Variants in SNAP91 observed in about 807,000 individuals in gnomAD.
SNAP91 encodes synaptosome associated protein 91.
Under a neutral mutation model 100.3 loss-of-function variants are expected in SNAP91, and 27 were observed. That is an observed-to-expected ratio of 0.27 (90% CI 0.20 to 0.37). The LOEUF is 0.37. SNAP91 is among the 10% of genes least tolerant of loss of function. The probability of loss-of-function intolerance (pLI) is 1.00; values close to 1 mark genes in which losing one functional copy is unlikely to be tolerated. For synonymous variants in SNAP91, 404 were observed against 398.6 expected (o/e 1.01, Z -0.16); for missense variants, 986 against 1,123.7 (o/e 0.88, Z 1.75).
At chr6:83,608,882 C>T (rs1164972038) in intron 12 of SNAP91, among the ~76,000 whole-genome samples, 2 of 152,112 alleles carry the variant, frequency 1.3e-5, no homozygotes, top group Non-Finnish European at 2.9e-5. Flanking sequence ...AAAATATCAA[C>T]TCAGAACTCT....
Position 83,607,777 on chromosome 6 carries a change from T to C in SNAP91, c.944A>G (p.Asn315Ser). Residue 315 changes from asparagine to serine, a missense_variant, in exon 13 of 30, where the codon AAT becomes AGT. By Grantham distance (46) the Asn-to-Ser change is conservative. This residue lies in a region of SNAP91 where 330 missense variants were observed against 447.5 expected (regional missense o/e 0.74). Transcript: ENST00000369694. Reference protein sequence around the residue: ...SSPATTVTSPNSTPAKTIDTS... With the variant: ...SSPATTVTSPSSTPAKTIDTS... ...GTCAATAGTTTTAGCTGGTGTAGAATTAGGAGACGTAACAGTTGTGGCTGG... is the reference window on the plus strand; with the variant it reads ...GTCAATAGTTTTAGCTGGTGTAGAACTAGGAGACGTAACAGTTGTGGCTGG... The C allele has an allele frequency of 1.3e-6, 2 of 1,592,650 alleles. No homozygotes were observed. Among genetic ancestry groups the C allele is most frequent in the Non-Finnish European group, 1.7e-6 (2 of 1,169,216 alleles).
At chr6:83,702,085 T>C (rs2099320263) in intron 2 of SNAP91, among the ~76,000 whole-genome samples, 1 of 152,176 alleles carries the variant, frequency 6.6e-6, no homozygotes, top group Non-Finnish European at 1.5e-5. Context: ...TTCCCCTTCA[T>C]AAATAAACAA....
intron 16 of SNAP91, among the ~76,000 whole-genome samples, chr6:83,598,681 C>T (rs1583086722): frequency 6.6e-6 from 1 of 152,204 alleles, no homozygotes; most frequent in East Asian, 1.9e-4. Context: ...AGAGTTCTAC[C>T]ACTTACCCAT....
chr6:83,610,019 C>T (rs898769908), intron 12 of SNAP91, among the ~76,000 whole-genome samples: 15 of 152,042 alleles, frequency 9.9e-5, no homozygotes, highest in Non-Finnish European at 4.4e-5. Context: ...GAAACAAATA[C>T]AAAGGAGGAT....
At chr6:83,607,329 T>TTGTGTGTGTGTGTGTGTGTG (rs61335064) in intron 13 of SNAP91, among the ~76,000 whole-genome samples, 31 of 144,890 alleles carry the variant, frequency 2.1e-4, no homozygotes, top group African/African-American at 7.4e-4. Flanking sequence ...CCAAGTTGGG[T>TTGTGTGTGTGTGTGTGTGTG]TGTGTGTGTG....
chr6:83,560,163 T>C lies in SNAP91; in HGVS notation c.2572A>G (p.Met858Val), dbSNP rs766858501. The change falls in exon 28 of 30, where the codon ATG becomes GTG. Residue 858 changes from methionine to valine, a missense_variant. By Grantham distance (21) the Met-to-Val change is conservative (BLOSUM62 1). Coordinates refer to ENST00000369694, the MANE Select transcript of SNAP91 (RefSeq NM_001242792.2). Reference protein sequence around the residue: ...GMPMMPQQPVMFAQPMMRPPF... With the variant: ...GMPMMPQQPVVFAQPMMRPPF... Reference sequence around the variant, plus strand: ...GGCCTCATCATGGGCTGTGCAAACATGACCGGCTGCTGAGGCATCATGGGC... The same window carrying C: ...GGCCTCATCATGGGCTGTGCAAACACGACCGGCTGCTGAGGCATCATGGGC... 3 of 1,613,884 alleles carry C rather than the reference T, an allele frequency of 1.9e-6. No homozygotes were observed. The highest frequency in any genetic ancestry group is 1.1e-5 in the South Asian group (1 of 91,072).
At chr6:83,689,872 G>A (rs2099109171) in intron 2 of SNAP91, among the ~76,000 whole-genome samples, 1 of 151,716 alleles carries the variant, frequency 6.6e-6, no homozygotes, top group African/African-American at 2.4e-5. Flanking sequence ...ATTCTATTTT[G>A]ACATTTAACT....
chr6:83,601,201 T>C, intron 16 of SNAP91, 70 bp downstream of exon 16: 1 of 1,514,366 alleles, frequency 6.6e-7, no homozygotes, highest in Non-Finnish European at 9.0e-7. Flanking sequence ...GGAAAAAATT[T>C]TAAAGACCTT....
At chr6:83,690,972 C>T (rs996586736) in intron 2 of SNAP91, among the ~76,000 whole-genome samples, 9 of 152,032 alleles carry the variant, frequency 5.9e-5, no homozygotes, top group Non-Finnish European at 1.2e-4. Flanking sequence ...TAATGCTTTG[C>T]TACTGATGAA....
chr6:83,692,332 T>C (rs755666181), intron 2 of SNAP91, among the ~76,000 whole-genome samples: 7 of 152,084 alleles, frequency 4.6e-5, no homozygotes, highest in South Asian at 2.1e-4. Flanking sequence ...CTGGCCAACA[T>C]GGCAAAACCC....
intron 2 of SNAP91, among the ~76,000 whole-genome samples, chr6:83,677,071 TGA>T (rs748371162): frequency 2.6e-5 from 4 of 152,144 alleles, no homozygotes; most frequent in Non-Finnish European, 5.9e-5. Context: ...ACACTGTAGG[TGA>T]GCCGTGCTTG....
intron 12 of SNAP91, 52 bp from the exon 13 acceptor site, chr6:83,607,860 A>G: frequency 1.8e-6 from 2 of 1,133,288 alleles, no homozygotes; most frequent in South Asian, 1.6e-5. Context: ...TCTACAGGAC[A>G]CAGGGCAGCA....
Position 83,605,768 on chromosome 6 carries a change from T to C in SNAP91, c.1058A>G (p.Gln353Arg), listed in dbSNP as rs546444897. ...SKPSSDLLDLQPDFSSGGAAA... is the reference protein window; with the variant it reads ...SKPSSDLLDLRPDFSSGGAAA... The stretch of plus-strand genomic sequence containing the variant: ...TGCCCCTCCAGAGGAAAAGTCTGGC[T>C]GGAGGTCCAGGAGATCACTAGATGG... The change falls in exon 14 of 30, where the codon CAG (glutamine) becomes CGG (arginine). Residue 353 changes from glutamine (Q) to arginine (R), a missense_variant. Transcript: ENST00000369694. 1.3e-6 allele frequency: 2 copies of C among 1,553,242 alleles called. No individual in the cohort carries two copies. The highest frequency in any genetic ancestry group is 2.4e-5 in the East Asian group (1 of 41,108).
At chr6:83,617,778 T>A (rs1431934879) in intron 9 of SNAP91, among the ~76,000 whole-genome samples, 1 of 151,770 alleles carries the variant, frequency 6.6e-6, no homozygotes, top group Non-Finnish European at 1.5e-5. Flanking sequence ...TAAGGAGAAA[T>A]AATAGGTTCA....
chr6:83,631,366 A>G (rs2097198505), intron 8 of SNAP91, among the ~76,000 whole-genome samples: 1 of 152,162 alleles, frequency 6.6e-6, no homozygotes, highest in Non-Finnish European at 1.5e-5. Flanking sequence ...CATTTGTTCC[A>G]GGGTACTGTT....
rs2096512384 is a variant in SNAP91, at chr6:83,616,841, G to T, written c.878+128C>A. ...TAGGAAGAGTAGGGGTTCTGAGGGA[G>T]CCCAGAAAATTATAACAAAGCATAC... On this transcript the variant is annotated intron_variant, in intron 10 of 29. Transcript: ENST00000369694. 8.5e-6 allele frequency: 5 copies of T among 589,256 alleles called. No individual in the cohort carries two copies. The Admixed American group carries it at 1.3e-4, about 16-fold the overall frequency. 36.5% of individuals were successfully genotyped at this position (589,256 alleles called of 1,614,324 possible). A position where few individuals can be genotyped will look rare whatever the true frequency, so the allele number is the denominator to read the frequency against.
intron 8 of SNAP91, among the ~76,000 whole-genome samples, chr6:83,639,237 C>A (rs1046804406): frequency 3.3e-5 from 5 of 152,114 alleles, no homozygotes; most frequent in African/African-American, 1.2e-4. Context: ...ATACATCGAC[C>A]ACATGAGTAC....
chr6:83,575,196 G>C (rs535996962), intron 25 of SNAP91, 75 bp from the exon 26 acceptor site: 6 of 1,016,112 alleles, frequency 5.9e-6, no homozygotes, highest in East Asian at 2.6e-5. Context: ...TGGCTCCTTA[G>C]ATTATTTTAT....
chr6:83,577,693 C>T (rs1821350896), intron 24 of SNAP91, among the ~76,000 whole-genome samples: 2 of 152,092 alleles, frequency 1.3e-5, no homozygotes, highest in Non-Finnish European at 2.9e-5. Context: ...TCAATAGAAG[C>T]GTCAGCTAAC....
Sources: allele counts gnomAD v4.1 joint callset (sites outside exome capture counted in the v4.1 genomes callset), GRCh38; gene constraint gnomAD v4.1.1; regional missense constraint gnomAD v4.1.1; transcripts MANE v1.5; gene names NCBI Gene and HGNC (gene_info 2026-07-23, HGNC 2026-07-21).